The following XKR6 variants were observed in gnomAD, a reference collection of about 807,000 sequenced individuals.
XKR6 encodes XK related 6, also known as XK-related protein 6.
XKR6 carries 22 observed loss-of-function variants against 56.7 expected under a neutral mutation model. The ratio of observed to expected loss-of-function variants is 0.39; its 90% CI spans 0.28 to 0.55. The LOEUF is 0.55. Ranked by LOEUF, XKR6 falls within the 20% of genes least tolerant of loss-of-function variation. The pLI, the probability that XKR6 is intolerant of heterozygous loss-of-function variation, is 0.66. For missense variants in XKR6, 852 were observed against 889.0 expected (o/e 0.96, Z 0.53); for synonymous variants, 524 against 387.8 (o/e 1.35, Z -4.13).
intron 1 of XKR6, among the ~76,000 whole-genome samples, chr8:11,040,698 A>G (rs1403024989): frequency 1.3e-5 from 2 of 152,186 alleles, no homozygotes; most frequent in African/African-American, 4.8e-5. Flanking sequence ...CCTCCTCATC[A>G]GGGCACTAAC....
At chr8:11,098,743 T>C (rs1375324478) in intron 1 of XKR6, among the ~76,000 whole-genome samples, 2 of 152,228 alleles carry the variant, frequency 1.3e-5, no homozygotes, top group East Asian at 3.8e-4. Flanking sequence ...AGAAATCTTG[T>C]TCCCTTAACT....
intron 2 of XKR6, among the ~76,000 whole-genome samples, chr8:10,909,880 T>A (rs1800298980): frequency 6.6e-6 from 1 of 152,174 alleles, no homozygotes; most frequent in Non-Finnish European, 1.5e-5. Context: ...TCAGTGTCCC[T>A]ATTTTTCAGA....
chr8:11,008,022 C>T (rs975778875), intron 1 of XKR6, among the ~76,000 whole-genome samples: 27 of 152,054 alleles, frequency 1.8e-4, no homozygotes, highest in Non-Finnish European at 3.2e-4. Context: ...GGGAAGCAGG[C>T]GTTTGCTTTT....
chr8:11,180,508 G>A (rs1802913345), intron 1 of XKR6, among the ~76,000 whole-genome samples: 1 of 152,258 alleles, frequency 6.6e-6, no homozygotes, highest in Non-Finnish European at 1.5e-5. Flanking sequence ...AAGGGTGGGG[G>A]AAGCAAAATC....
chr8:11,198,985 G>A (rs900261391), intron 1 of XKR6, among the ~76,000 whole-genome samples: 1 of 151,762 alleles, frequency 6.6e-6, no homozygotes, highest in African/African-American at 2.4e-5. Context: ...TTGAGTGTGT[G>A]GGTGTTTAGG....
chr8:11,201,381 G>C lies in XKR6; in HGVS notation c.-42C>G. ...GCTCCGGAGGTTGGGGGGGAGGGAC[G>C]GCGGGGGGGGGGGGAAGAAGGCAGG... On this transcript the variant is annotated 5_prime_UTR_variant, in exon 1 of 3. Transcript: ENST00000416569. 1.9e-6 allele frequency: 2 copies of C among 1,049,024 alleles called. No homozygotes were observed. Among genetic ancestry groups the C allele is most frequent in the Admixed American group, 3.5e-5 (1 of 28,596 alleles). The allele number at this position is 1,049,024 out of a possible 1,614,324, so 65.0% of individuals were successfully genotyped here. A position where few individuals can be genotyped will look rare whatever the true frequency, so the allele number is the denominator to read the frequency against.
chr8:10,902,651 G>A (rs950453920), intron 2 of XKR6, among the ~76,000 whole-genome samples: 2 of 152,194 alleles, frequency 1.3e-5, no homozygotes, highest in African/African-American at 2.4e-5. Flanking sequence ...GGGTTCGAAC[G>A]CCAGGCCATA....
At chr8:11,191,061 G>C (rs1363185016) in intron 1 of XKR6, among the ~76,000 whole-genome samples, 2 of 152,080 alleles carry the variant, frequency 1.3e-5, no homozygotes, top group Non-Finnish European at 1.5e-5. Flanking sequence ...ACTAAACTAG[G>C]ACATAGGGGG....
At chr8:11,134,807 G>A (rs1160007271) in intron 1 of XKR6, among the ~76,000 whole-genome samples, 3 of 151,902 alleles carry the variant, frequency 2.0e-5, no homozygotes. Context: ...GTAACAGCAA[G>A]AATTAGAAAA....
chr8:11,074,463 C>T (rs1327582116), intron 1 of XKR6, among the ~76,000 whole-genome samples: 1 of 152,218 alleles, frequency 6.6e-6, no homozygotes, highest in Non-Finnish European at 1.5e-5. Flanking sequence ...TTCATTTATT[C>T]AATCAATCAT....
chr8:11,111,150 G>A (rs1798872238), intron 1 of XKR6, among the ~76,000 whole-genome samples: 1 of 151,646 alleles, frequency 6.6e-6, no homozygotes, highest in Admixed American at 6.6e-5. Context: ...CACTGCGCCT[G>A]CCCAACTTTC....
chr8:10,976,146 A>G (rs1280789431), intron 1 of XKR6, among the ~76,000 whole-genome samples: 1 of 152,000 alleles, frequency 6.6e-6, no homozygotes, highest in Non-Finnish European at 1.5e-5. Context: ...ACTGCACTCC[A>G]GCCTGGGTGA....
chr8:10,904,791 C>T (rs1800139180), intron 2 of XKR6, among the ~76,000 whole-genome samples: 1 of 152,190 alleles, frequency 6.6e-6, no homozygotes, highest in South Asian at 2.1e-4. Flanking sequence ...TCCAGAAAGC[C>T]ACAGGAGTGC....
In XKR6 at chr8:11,151,520, A is replaced by G. The variant is rs2116976135; in HGVS notation, c.764+49056T>C. 3.3e-5 allele frequency among the ~76,000 whole-genome samples: 5 copies of G among 152,276 alleles called. No homozygotes were observed. The South Asian group carries it at 1.0e-3, about 32-fold the overall frequency. ...GCTCAGTAAGAACAGATGTAATATA[A>G]TTCTACCCATGTGAACAAGATGTGA... On this transcript the variant is annotated intron_variant, in intron 1 of 2. Transcript: ENST00000416569.
intron 1 of XKR6, among the ~76,000 whole-genome samples, chr8:10,986,173 A>C (rs2129138978): frequency 6.6e-6 from 1 of 152,350 alleles, no homozygotes; most frequent in African/African-American, 2.4e-5. Context: ...GGTGCTTCAA[A>C]TCAGAGGAGT....
intron 1 of XKR6, among the ~76,000 whole-genome samples, chr8:11,144,775 A>G (rs1244200494): frequency 6.6e-6 from 1 of 151,930 alleles, no homozygotes; most frequent in Non-Finnish European, 1.5e-5. Context: ...TCCGTAAGAT[A>G]ATTAAAGTCC....
intron 1 of XKR6, among the ~76,000 whole-genome samples, chr8:11,006,362 G>A (rs1437086064): frequency 1.3e-5 from 2 of 152,062 alleles, no homozygotes; most frequent in Admixed American, 6.6e-5. Context: ...TAGGGTGGAG[G>A]GAACAGTGTG....
At chr8:10,968,402 A>G (rs934742814) in intron 1 of XKR6, among the ~76,000 whole-genome samples, 9 of 152,352 alleles carry the variant, frequency 5.9e-5, no homozygotes, top group African/African-American at 2.2e-4. Flanking sequence ...TGGGACTGGA[A>G]TCTTCCATTT....
chr8:11,178,246 A>G (rs1184712267), intron 1 of XKR6, among the ~76,000 whole-genome samples: 1 of 152,086 alleles, frequency 6.6e-6, no homozygotes, highest in East Asian at 1.9e-4. Flanking sequence ...AAATCTGTCT[A>G]CTCTAGACAA....
Sources: allele counts gnomAD v4.1 joint callset (sites outside exome capture counted in the v4.1 genomes callset), GRCh38; gene constraint gnomAD v4.1.1; transcripts MANE v1.5; gene names NCBI Gene and HGNC (gene_info 2026-07-23, HGNC 2026-07-21).